SPG7: variants seen among roughly 807,000 people sequenced by gnomAD.
SPG7 encodes mitochondrial inner membrane m-AAA protease component paraplegin.
SPG7 carries 103 observed loss-of-function variants against 81.9 expected under a neutral mutation model. The ratio of observed to expected loss-of-function variants is 1.26; its 90% CI spans 1.07 to 1.48. The LOEUF is 1.48. SPG7 is among the 40% of genes most tolerant of loss of function. SPG7 has a pLI of 0.00. For missense variants in SPG7, 1,241 were observed against 1,087.3 expected (o/e 1.14, Z -1.99); for synonymous variants, 534 against 444.2 (o/e 1.20, Z -2.54).
chr16:89,542,941 C>CTTTTTTTTTTTTTTTTTTTT, intron 9 of SPG7: 1 of 84,652 alleles, frequency 1.2e-5, no homozygotes, highest in Non-Finnish European at 2.2e-5. Context: ...AGATCCTGTT[C>CTTTTTTTTTTTTTTTTTTTT]TTTTTTTTTT....
chr16:89,509,164 A>G (rs560958924), intron 1 of SPG7, among the ~76,000 whole-genome samples: 28 of 152,292 alleles, frequency 1.8e-4, no homozygotes, highest in Middle Eastern at 3.4e-3. Context: ...TCTCCTCCCG[A>G]AAACCAGACC....
chr16:89,535,777 T>C (rs955485021), intron 9 of SPG7, among the ~76,000 whole-genome samples: 1 of 152,262 alleles, frequency 6.6e-6, no homozygotes, highest in African/African-American at 2.4e-5. Context: ...CTCTGGAGCC[T>C]ACAGGCTCGC....
intron 12 of SPG7, 171 bp downstream of exon 12, chr16:89,548,284 T>A: frequency 1.7e-6 from 1 of 591,402 alleles, no homozygotes; most frequent in Non-Finnish European, 3.0e-6. Context: ...TACTTTTCCT[T>A]AGTTTAAAAT....
In SPG7 at chr16:89,546,664, C is replaced by A; in HGVS notation, c.1456C>A (p.Arg486=). The part of the protein sequence containing the change: ...FIDLPTLQER[R]EIFEQHLKSL... ...CCTCCCCTGGTTCTGGCAGGAGAGG[C>A]GGGAGATTTTTGAGCAGCACCTGAA... Residue 486 remains arginine, a synonymous_variant, in exon 11 of 17, where the codon CGG becomes AGG. Coordinates refer to ENST00000645818, the MANE Select transcript of SPG7 (RefSeq NM_003119.4). 6.2e-7 allele frequency: 1 copy of A among 1,609,056 alleles called. No individual in the cohort carries two copies. Among genetic ancestry groups the A allele is most frequent in the South Asian group, 1.1e-5 (1 of 91,008 alleles).
At chr16:89,518,445 G>C (rs982840309) in intron 3 of SPG7, 1 of 152,026 alleles carries the variant, frequency 6.6e-6, no homozygotes, top group African/African-American at 2.4e-5. Flanking sequence ...AAAAGGCTCC[G>C]CTCACTGATA....
chr16:89,528,244 T>G (rs928348696), intron 5 of SPG7, among the ~76,000 whole-genome samples: 2 of 151,366 alleles, frequency 1.3e-5, no homozygotes, highest in African/African-American at 4.9e-5. Context: ...CAAAAAAAAT[T>G]AGCCGGGTGC....
At chr16:89,535,411 CG>C (rs1266227254) in intron 9 of SPG7, among the ~76,000 whole-genome samples, 4 of 152,178 alleles carry the variant, frequency 2.6e-5, no homozygotes, top group African/African-American at 4.8e-5. Flanking sequence ...GTGAGATTCC[CG>C]ACAGTGTGCA....
At chr16:89,535,874 T>C in intron 9 of SPG7, among the ~76,000 whole-genome samples, 1 of 144,404 alleles carries the variant, frequency 6.9e-6, no homozygotes, top group Non-Finnish European at 1.5e-5. Flanking sequence ...TGTGTGGCCT[T>C]CACTGTGGCC....
chr16:89,553,741 C>A, intron 14 of SPG7, 53 bp from the exon 15 acceptor site: 1 of 1,591,710 alleles, frequency 6.3e-7, no homozygotes, highest in Non-Finnish European at 8.6e-7. Context: ...GGGCCCAGCA[C>A]TGCTCTGCGC....
Position 89,508,615 on chromosome 16 carries a change from A to G in SPG7, c.183+15A>G. 1 of 1,442,476 alleles carries G rather than the reference A, an allele frequency of 6.9e-7. No individual in the cohort carries two copies. The highest frequency in any genetic ancestry group is 9.1e-7 in the Non-Finnish European group (1 of 1,103,258). 89.4% of individuals were successfully genotyped at this position (1,442,476 alleles called of 1,614,324 possible). A position where few individuals can be genotyped will look rare whatever the true frequency, so the allele number is the denominator to read the frequency against. On this transcript the variant is annotated intron_variant, in intron 1 of 16. Transcript: ENST00000645818. Reference sequence around the variant, plus strand: ...GAGCTCTGCAGGTAAATCCCCGCGGAGTCCGGGCCCCACCTCCCGCCCGGC... The same window carrying G: ...GAGCTCTGCAGGTAAATCCCCGCGGGGTCCGGGCCCCACCTCCCGCCCGGC...
At chr16:89,557,768 A>C (rs1193698987), downstream of SPG7, 1 of 153,236 alleles carries the variant, frequency 6.5e-6, no homozygotes, top group African/African-American at 2.4e-5. Context: ...GAAAATCTAC[A>C]TTTGCATTGT....
chr16:89,532,900 A>G, intron 9 of SPG7: 5 of 478,516 alleles, frequency 1.0e-5, no homozygotes, highest in East Asian at 7.9e-5. Context: ...CCTGGCCAAC[A>G]TGCTGAAACC....
intron 5 of SPG7, chr16:89,528,601 T>TG: frequency 6.9e-6 from 1 of 145,654 alleles, no homozygotes; most frequent in South Asian, 2.2e-4. Flanking sequence ...TCCTGGGATT[T>TG]GCTTTTTTTT....
At position 89,508,567 on chromosome 16, in the gene SPG7, G is replaced by A; in HGVS notation, c.150G>A (p.Gly50=). ...CGTACATGGCCAGCAGGCCTCCGGGGGACCTCGCCGAGGCTGGAGGCCGAG... is the reference window on the plus strand; with the variant it reads ...CGTACATGGCCAGCAGGCCTCCGGGAGACCTCGCCGAGGCTGGAGGCCGAG... The part of the protein sequence containing the change: ...GRPYMASRPP[G]DLAEAGGRAL... The change falls in exon 1 of 17, where the codon GGG becomes GGA. Residue 50 remains glycine, a synonymous_variant. Transcript: ENST00000645818. The A allele has an allele frequency of 1.3e-6, 2 of 1,493,214 alleles. No homozygotes were observed. Among genetic ancestry groups the A allele is most frequent in the South Asian group, 1.3e-5 (1 of 79,010 alleles). 92.5% of individuals were successfully genotyped at this position (1,493,214 alleles called of 1,614,324 possible). A position where few individuals can be genotyped will look rare whatever the true frequency, so the allele number is the denominator to read the frequency against.
chr16:89,549,258 C>A, intron 12 of SPG7: 1 of 456,848 alleles, frequency 2.2e-6, no homozygotes, highest in Non-Finnish European at 4.4e-6. Context: ...GTGCTCAGGA[C>A]CACGAGCTGA....
At chr16:89,515,424 A>G (rs2058082914) in intron 3 of SPG7, among the ~76,000 whole-genome samples, 1 of 150,606 alleles carries the variant, frequency 6.6e-6, no homozygotes. Context: ...ATGCACCACC[A>G]TGCCCAGCTA....
intron 3 of SPG7, chr16:89,523,690 G>C: frequency 2.1e-6 from 1 of 484,766 alleles, no homozygotes; most frequent in Non-Finnish European, 4.1e-6. Flanking sequence ...AGCCTCCCAA[G>C]TAGCTGGGAC....
chr16:89,516,925 A>G (rs557904540), intron 3 of SPG7: 13 of 152,344 alleles, frequency 8.5e-5, no homozygotes, highest in African/African-American at 2.9e-4. Flanking sequence ...AAAAAAAGAA[A>G]AAAGAAAAAA....
At position 89,526,385 on chromosome 16, in the gene SPG7, G is replaced by A; in HGVS notation, c.675G>A (p.Lys225=). 1.2e-6 allele frequency: 2 copies of A among 1,614,166 alleles called. No individual in the cohort carries two copies. The highest frequency in any genetic ancestry group is 1.1e-5 in the South Asian group (1 of 91,078). The change falls in exon 5 of 17, where the codon AAG becomes AAA. Residue 225 remains lysine (K), a synonymous_variant. Coordinates refer to ENST00000645818, the MANE Select transcript of SPG7 (RefSeq NM_003119.4). The stretch of plus-strand genomic sequence containing the variant: ...CAAATATTGACAAGTTTGAAGAGAA[G>A]CTTCGAGCAGCTGAAGATGAGCTGA... The part of the protein sequence containing the change: ...QVANIDKFEE[K]LRAAEDELNI...
Sources: allele counts gnomAD v4.1 joint callset (sites outside exome capture counted in the v4.1 genomes callset), GRCh38; gene constraint gnomAD v4.1.1; transcripts MANE v1.5; gene names NCBI Gene and HGNC (gene_info 2026-07-23, HGNC 2026-07-21).